The following CTNNA3 variants were observed in gnomAD, a reference collection of about 807,000 sequenced individuals.
CTNNA3 encodes the protein catenin alpha-3.
A neutral mutation model predicts 95.7 loss-of-function variants in CTNNA3; 76 were observed. The ratio of observed to expected loss-of-function variants is 0.79; its 90% CI spans 0.66 to 0.96. The LOEUF (loss-of-function observed/expected upper bound fraction) is 0.96. Among genes scored for constraint, CTNNA3 ranks in the 40% least tolerant of loss-of-function variants. CTNNA3 has a pLI of 0.00. For missense variants in CTNNA3, 1,191 were observed against 1,089.8 expected, an observed-to-expected ratio of 1.09 and a Z score of -1.31; for synonymous variants, 431 against 374.4, an observed-to-expected ratio of 1.15 and a Z score of -1.74.
At chr10:67,030,478 T>A (rs1181029500) in intron 7 of CTNNA3, among the ~76,000 whole-genome samples, 1 of 152,092 alleles carries the variant, frequency 6.6e-6, no homozygotes, top group African/African-American at 2.4e-5. Context: ...GTATATAATA[T>A]ATTCACACCC....
At chr10:66,668,579 G>A (rs992912695) in intron 9 of CTNNA3, among the ~76,000 whole-genome samples, 4 of 151,960 alleles carry the variant, frequency 2.6e-5, no homozygotes, top group African/African-American at 7.3e-5. Flanking sequence ...TTGGGAGGCC[G>A]AGGTGGGCGG....
intron 12 of CTNNA3, among the ~76,000 whole-genome samples, chr10:66,361,299 A>C: frequency 6.8e-6 from 1 of 147,306 alleles, no homozygotes; most frequent in East Asian, 2.1e-4. Context: ...AACCAACAAG[A>C]ATCCTCCCCT....
At chr10:67,624,258 T>C (rs1843949113) in intron 2 of CTNNA3, among the ~76,000 whole-genome samples, 1 of 152,190 alleles carries the variant, frequency 6.6e-6, no homozygotes, top group African/African-American at 2.4e-5. Flanking sequence ...TGAGTTTTCA[T>C]CAATTTAATA....
intron 5 of CTNNA3, among the ~76,000 whole-genome samples, chr10:67,434,805 T>C (rs192937473): frequency 1.2e-4 from 18 of 152,114 alleles, no homozygotes; most frequent in African/African-American, 4.1e-4. Flanking sequence ...AAGTCATGAC[T>C]TACCAAGTCA....
intron 13 of CTNNA3, among the ~76,000 whole-genome samples, chr10:66,207,446 T>C (rs949769864): frequency 5.3e-5 from 8 of 151,932 alleles, no homozygotes; most frequent in African/African-American, 1.9e-4. Flanking sequence ...AAATACACAA[T>C]ATATTTTTCA....
At chr10:66,891,580 T>C (rs1354185633) in intron 7 of CTNNA3, among the ~76,000 whole-genome samples, 2 of 152,218 alleles carry the variant, frequency 1.3e-5, no homozygotes, top group South Asian at 4.1e-4. Context: ...GTAGATGTCA[T>C]AAGCTGCTTC....
At chr10:67,180,099 C>A (rs532729284) in intron 7 of CTNNA3, among the ~76,000 whole-genome samples, 1 of 152,112 alleles carries the variant, frequency 6.6e-6, no homozygotes, top group Non-Finnish European at 1.5e-5. Context: ...AAAACAATCA[C>A]CTGTAAATAC....
chr10:66,990,828 AG>A (rs1850999972), intron 7 of CTNNA3, among the ~76,000 whole-genome samples: 1 of 152,206 alleles, frequency 6.6e-6, no homozygotes, highest in Admixed American at 6.5e-5. Context: ...ATCCTATTCA[AG>A]GAAGTAAAAT....
chr10:67,129,590 T>C (rs145218912), intron 7 of CTNNA3, among the ~76,000 whole-genome samples: 3 of 152,104 alleles, frequency 2.0e-5, no homozygotes, highest in African/African-American at 7.2e-5. Context: ...ATTACTATTA[T>C]AGAGATGAGA....
Position 66,501,089 on chromosome 10 carries a change from A to G in CTNNA3, c.1531+19528T>C, listed in dbSNP as rs201480251. 1.1e-4 allele frequency among the ~76,000 whole-genome samples: 17 copies of G among 152,312 alleles called. No homozygotes were observed. The East Asian group carries it at 3.3e-3, about 29-fold the overall frequency. ...TGCAAAATTATTTATAAATGAATGT[A>G]AAGTGTTAACTTATTTATAAATTCC... On this transcript the variant is annotated intron_variant, in intron 11 of 17. Coordinates refer to ENST00000433211, the MANE Select transcript of CTNNA3 (RefSeq NM_013266.4).
chr10:67,690,228 A>G (rs185749607), intron 1 of CTNNA3, among the ~76,000 whole-genome samples: 23 of 152,086 alleles, frequency 1.5e-4, no homozygotes, highest in Middle Eastern at 6.8e-3. Context: ...TGTTCCTCCC[A>G]GTGGGTTCAT....
intron 16 of CTNNA3, 76 bp downstream of exon 16, chr10:65,988,616 T>A: frequency 8.4e-7 from 1 of 1,197,002 alleles, no homozygotes; most frequent in East Asian, 2.4e-5. Context: ...AAAATTTAAC[T>A]TTGCCTAAAT....
chr10:66,004,800 T>C (rs563591957), intron 15 of CTNNA3, among the ~76,000 whole-genome samples: 172 of 152,362 alleles, frequency 1.1e-3, no homozygotes, highest in African/African-American at 4.0e-3. Context: ...GTTCCCTCTG[T>C]AACTCATGAC....
At position 66,309,319 on chromosome 10, in the gene CTNNA3, C is replaced by T. The variant is rs1379934514; in HGVS notation, c.1733-28698G>A. Among the ~76,000 whole-genome samples the T allele has an allele frequency of 4.6e-5, 7 of 152,228 alleles. No individual in the cohort carries two copies. In the East Asian group the frequency reaches 1.4e-3, roughly 29 times the overall value. On this transcript the variant is annotated intron_variant, in intron 12 of 17. Transcript: ENST00000433211. Reference sequence around the variant, plus strand: ...TCATTATGTGCCATCATAACAGTTACACACACAGACATACACACAAATAGA... The same window carrying T: ...TCATTATGTGCCATCATAACAGTTATACACACAGACATACACACAAATAGA...
chr10:66,758,298 G>A (rs1014482021), intron 9 of CTNNA3, among the ~76,000 whole-genome samples: 6 of 152,200 alleles, frequency 3.9e-5, no homozygotes, highest in Non-Finnish European at 8.8e-5. Context: ...ACTTCAGCAT[G>A]GGAGTAGAAC....
At chr10:67,203,370 G>T (rs775424377) in intron 6 of CTNNA3, among the ~76,000 whole-genome samples, 31 of 152,142 alleles carry the variant, frequency 2.0e-4, no homozygotes, top group Non-Finnish European at 3.4e-4. Context: ...CACCATGATT[G>T]TGAGGCCTCC....
chr10:65,942,437 G>A (rs1167317618), intron 17 of CTNNA3, among the ~76,000 whole-genome samples: 1 of 152,174 alleles, frequency 6.6e-6, no homozygotes, highest in Non-Finnish European at 1.5e-5. Flanking sequence ...GCTGAGGCAG[G>A]AGAATCGCTT....
chr10:67,135,875 A>G (rs967808829), intron 7 of CTNNA3, among the ~76,000 whole-genome samples: 3 of 152,206 alleles, frequency 2.0e-5, no homozygotes, highest in Non-Finnish European at 4.4e-5. Context: ...ATATGTTTCT[A>G]CTTTACTATG....
At chr10:66,041,177 A>C (rs61467103) in intron 15 of CTNNA3, among the ~76,000 whole-genome samples, 38,109 of 152,030 alleles carry the variant, frequency 0.25, 4,887 homozygotes, top group South Asian at 0.32. Flanking sequence ...ATGAGAAAAC[A>C]TCAATCCAAC....
Sources: allele counts gnomAD v4.1 joint callset (sites outside exome capture counted in the v4.1 genomes callset), GRCh38; gene constraint gnomAD v4.1.1; transcripts MANE v1.5; gene names NCBI Gene and HGNC (gene_info 2026-07-23, HGNC 2026-07-21).